Variants in KCNC2 observed in about 807,000 individuals in gnomAD.
KCNC2 encodes potassium voltage-gated channel subfamily C member 2, also known as voltage-gated potassium channel KCNC2.
Under a neutral mutation model 44.5 loss-of-function variants are expected in KCNC2, and 21 were observed. The ratio of observed to expected loss-of-function variants is 0.47; its 90% CI spans 0.33 to 0.68. The LOEUF (loss-of-function observed/expected upper bound fraction) is 0.68. KCNC2 is among the 30% of genes least tolerant of loss of function. The pLI is 0.01. For missense variants in KCNC2, 589 were observed against 826.2 expected, an observed-to-expected ratio of 0.71 and a Z score of 3.52; for synonymous variants, 391 against 339.1, an observed-to-expected ratio of 1.15 and a Z score of -1.68.
intron 2 of KCNC2, among the ~76,000 whole-genome samples, chr12:75,095,816 C>T (rs1364884454): frequency 6.6e-6 from 1 of 151,808 alleles, no homozygotes; most frequent in African/African-American, 2.4e-5. Context: ...ACTAAATCTA[C>T]TAAATAAATT....
chr12:75,059,395 C>T (rs901336856), intron 2 of KCNC2, among the ~76,000 whole-genome samples: 1 of 152,006 alleles, frequency 6.6e-6, no homozygotes, highest in African/African-American at 2.4e-5. Context: ...CACTTGTTTA[C>T]AGTGGAGTTC....
rs980369455 is a variant in KCNC2, at chr12:75,042,616, G to A, written c.*489C>T. ...ATATCCTGAGCTATCCACAGTCCCC[G>A]AACTCTGCAACATTGCTTTCAGGTG... On this transcript the variant is annotated 3_prime_UTR_variant, in exon 5 of 5. Coordinates refer to ENST00000549446, the MANE Select transcript of KCNC2 (RefSeq NM_139137.4). The A allele has an allele frequency of 3.6e-5, 46 of 1,285,572 alleles. No individual in the cohort carries two copies. The highest frequency in any genetic ancestry group is 1.3e-4 in the South Asian group (6 of 47,954). The allele number at this position is 1,285,572 out of a possible 1,614,324, so 79.6% of individuals were successfully genotyped here.
At chr12:75,129,730 G>A (rs1456883681) in intron 2 of KCNC2, among the ~76,000 whole-genome samples, 1 of 152,134 alleles carries the variant, frequency 6.6e-6, no homozygotes, top group Non-Finnish European at 1.5e-5. Context: ...GATGGAGAGT[G>A]CTAGAAACAA....
At chr12:75,078,581 C>G (rs1227365765) in intron 2 of KCNC2, among the ~76,000 whole-genome samples, 2 of 152,126 alleles carry the variant, frequency 1.3e-5, no homozygotes, top group Non-Finnish European at 2.9e-5. Flanking sequence ...CATGTATGAA[C>G]TCATTTCATT....
chr12:75,107,129 C>G (rs1286768296), intron 2 of KCNC2, among the ~76,000 whole-genome samples: 3 of 152,014 alleles, frequency 2.0e-5, no homozygotes, highest in Non-Finnish European at 2.9e-5. Flanking sequence ...ATGGTGAAAC[C>G]CTGTCTCTAC....
chr12:75,150,501 C>A (rs1488735029), intron 2 of KCNC2, among the ~76,000 whole-genome samples: 1 of 151,814 alleles, frequency 6.6e-6, no homozygotes, highest in Admixed American at 6.6e-5. Flanking sequence ...TGCTTAAAAA[C>A]TCCACTCTCA....
At chr12:75,054,569 A>G (rs949425675) in intron 2 of KCNC2, among the ~76,000 whole-genome samples, 4 of 152,172 alleles carry the variant, frequency 2.6e-5, no homozygotes, top group Admixed American at 6.5e-5. Context: ...GCAAAAGGCT[A>G]TTTTATAAAA....
At chr12:75,126,635 A>T (rs1273200137) in intron 2 of KCNC2, among the ~76,000 whole-genome samples, 1 of 152,120 alleles carries the variant, frequency 6.6e-6, no homozygotes, top group Non-Finnish European at 1.5e-5. Flanking sequence ...CGTGGAAGGA[A>T]CAACAAGACA....
rs561311381 is a variant in KCNC2, at chr12:75,193,901, C to T, written c.687+13396G>A. ...ATAGTATAAAATGCAACAACCAAGA[C>T]GAGCAAATGAAAAAGAAATTCCATA... On this transcript the variant is annotated intron_variant, in intron 2 of 4. Coordinates refer to ENST00000549446, the MANE Select transcript of KCNC2 (RefSeq NM_139137.4). 1.4e-4 allele frequency among the ~76,000 whole-genome samples: 22 copies of T among 151,794 alleles called. 1 individual carries two copies. Among genetic ancestry groups the T allele is most frequent in the Admixed American group, 3.9e-4 (6 of 15,220 alleles).
At chr12:75,116,732 T>C (rs1037074025) in intron 2 of KCNC2, among the ~76,000 whole-genome samples, 16 of 152,154 alleles carry the variant, frequency 1.1e-4, no homozygotes, top group African/African-American at 3.9e-4. Context: ...CCCAACATTC[T>C]CTGTCCTGGC....
At chr12:75,073,831 T>C (rs11180355) in intron 2 of KCNC2, among the ~76,000 whole-genome samples, 5,681 of 152,300 alleles carry the variant, frequency 0.037, 145 homozygotes, top group East Asian at 0.15. Context: ...TCTCAATTTA[T>C]AATTTTTAAC....
intron 2 of KCNC2, among the ~76,000 whole-genome samples, chr12:75,198,191 G>C (rs189211802): frequency 2.0e-4 from 30 of 151,888 alleles, no homozygotes; most frequent in Admixed American, 1.5e-3. Flanking sequence ...TGCATTCTAA[G>C]TATCAAATTA....
chr12:75,091,963 A>T (rs1035574720), intron 2 of KCNC2, among the ~76,000 whole-genome samples: 3 of 151,672 alleles, frequency 2.0e-5, no homozygotes, highest in Non-Finnish European at 4.4e-5. Context: ...GAAGATAAAA[A>T]ATATACATGT....
chr12:75,175,613 T>C (rs1231108787), intron 2 of KCNC2, among the ~76,000 whole-genome samples: 1 of 151,986 alleles, frequency 6.6e-6, no homozygotes, highest in Non-Finnish European at 1.5e-5. Context: ...ACTGCAGAGC[T>C]CTCTTTTTTC....
At position 75,199,859 on chromosome 12, in the gene KCNC2, G is replaced by A. The variant is rs553253502; in HGVS notation, c.687+7438C>T. Among the ~76,000 whole-genome samples the A allele has an allele frequency of 1.5e-4, 23 of 151,914 alleles. No homozygotes were observed. In the South Asian group the frequency reaches 4.8e-3, roughly 32 times the overall value. ...CACAAAAGGGCCAAAGGAAAAATAG[G>A]TATCATTTCTTAATTATCTAAATAT... On this transcript the variant is annotated intron_variant, in intron 2 of 4. Coordinates refer to ENST00000549446, the MANE Select transcript of KCNC2 (RefSeq NM_139137.4).
intron 2 of KCNC2, among the ~76,000 whole-genome samples, chr12:75,069,840 G>A (rs2137028661): frequency 6.6e-6 from 1 of 152,244 alleles, no homozygotes; most frequent in Middle Eastern, 3.4e-3. Context: ...CCTTTCCTAT[G>A]CTAGGGAGAC....
chr12:75,061,073 C>T (rs1396132301), intron 2 of KCNC2, among the ~76,000 whole-genome samples: 1 of 152,012 alleles, frequency 6.6e-6, no homozygotes, highest in African/African-American at 2.4e-5. Flanking sequence ...ATTTGATTTT[C>T]TTCTCCGTTG....
chr12:75,199,960 T>C (rs1169283136), intron 2 of KCNC2, among the ~76,000 whole-genome samples: 1 of 151,758 alleles, frequency 6.6e-6, no homozygotes, highest in Non-Finnish European at 1.5e-5. Context: ...AAAAAAGTGG[T>C]TAAGTGCATA....
At chr12:75,101,384 T>G (rs1002189785) in intron 2 of KCNC2, among the ~76,000 whole-genome samples, 1 of 152,098 alleles carries the variant, frequency 6.6e-6, no homozygotes. Context: ...TGGGAATACC[T>G]AAAAGCAGTT....
Sources: gnomAD v4.1 joint callset for allele counts (sites outside exome capture counted in the v4.1 genomes callset) on GRCh38, gnomAD v4.1.1 for gene constraint, MANE v1.5 for transcripts, NCBI Gene and HGNC (gene_info 2026-07-23, HGNC 2026-07-21) for gene names.